The following BRWD3 variants were observed in gnomAD, a reference collection of about 807,000 sequenced individuals.
The protein encoded by BRWD3 is bromodomain and WD repeat-containing protein 3.
Under a neutral mutation model 149.7 loss-of-function variants are expected in BRWD3, and 10 were observed. That is an observed-to-expected ratio of 0.07 (90% confidence interval 0.04 to 0.11). The LOEUF (loss-of-function observed/expected upper bound fraction) is 0.11, where lower values mean the gene tolerates loss of function less well. BRWD3 is among the 10% of genes least tolerant of loss of function. The probability of loss-of-function intolerance (pLI) is 1.00; values close to 1 mark genes in which losing one functional copy is unlikely to be tolerated. For missense variants in BRWD3, 940 were observed against 1,373.2 expected (o/e 0.68, Z 4.99); for synonymous variants, 504 against 456.7 (o/e 1.10, Z -1.32).
At chrX:80,704,890 A>C (rs2072839780) in intron 22 of BRWD3, 44 bp from the exon 23 acceptor site, 1 of 1,109,828 alleles carries the variant, frequency 9.0e-7, no homozygotes. Flanking sequence ...ATAGAAAAGG[A>C]GTAGTTTTAC....
chrX:80,704,232 C>T (rs1051074016), intron 23 of BRWD3, among the ~76,000 whole-genome samples: 5 of 78,492 alleles, frequency 6.4e-5, no homozygotes, highest in Non-Finnish European at 1.4e-4. Context: ...CATAAGACCC[C>T]ATCTCTTTAA....
intron 6 of BRWD3, among the ~76,000 whole-genome samples, chrX:80,775,776 ATC>A (rs1226839998): frequency 2.7e-5 from 3 of 112,041 alleles, no homozygotes; most frequent in African/African-American, 6.5e-5. Flanking sequence ...TGAATTTTTA[ATC>A]TGAGTCACTA....
At chrX:80,720,563 AC>A (rs1412355260) in intron 17 of BRWD3, among the ~76,000 whole-genome samples, 8 of 108,541 alleles carry the variant, frequency 7.4e-5, no homozygotes, top group African/African-American at 2.3e-4. Context: ...AAACAAACAA[AC>A]AAACAAAAAA....
chrX:80,709,694 C>T, intron 20 of BRWD3, 117 bp from the exon 21 acceptor site: 1 of 606,980 alleles, frequency 1.6e-6, no homozygotes, highest in Non-Finnish European at 2.5e-6. Context: ...AGAATAAATT[C>T]CCCAAAATAA....
chrX:80,694,033 G>A (rs1044870781), intron 27 of BRWD3, among the ~76,000 whole-genome samples: 1 of 111,138 alleles, frequency 9.0e-6, no homozygotes, highest in Non-Finnish European at 1.9e-5. Context: ...ACAAGACCCA[G>A]GGCCTAGAAG....
chrX:80,779,137 A>T (rs1010956466), intron 6 of BRWD3, among the ~76,000 whole-genome samples: 1 of 110,953 alleles, frequency 9.0e-6, no homozygotes, highest in Non-Finnish European at 1.9e-5. Context: ...AACATGGTGA[A>T]ACCCCATCTC....
intron 30 of BRWD3, 123 bp from the exon 31 acceptor site, chrX:80,691,296 G>A (rs934954667): frequency 5.1e-5 from 37 of 723,687 alleles, no homozygotes; most frequent in Non-Finnish European, 7.5e-5. Context: ...AAACCATGAG[G>A]ATTCCATTAT....
At chrX:80,777,693 C>A (rs200199122) in intron 6 of BRWD3, among the ~76,000 whole-genome samples, 1 of 111,925 alleles carries the variant, frequency 8.9e-6, no homozygotes, top group Non-Finnish European at 1.9e-5. Context: ...CCACCATGGC[C>A]GGCCTCTGAT....
intron 14 of BRWD3, among the ~76,000 whole-genome samples, chrX:80,725,811 A>G (rs1184718715): frequency 1.1e-5 from 1 of 93,273 alleles, no homozygotes; most frequent in South Asian, 6.4e-4. Flanking sequence ...TACATGTGTT[A>G]CATGCCTATA....
intron 20 of BRWD3, among the ~76,000 whole-genome samples, chrX:80,714,304 T>C (rs2073044006): frequency 1.0e-5 from 1 of 100,332 alleles, no homozygotes; most frequent in African/African-American, 3.7e-5. Context: ...ATGGGCTCAC[T>C]GCAACCTTGG....
chrX:80,778,773 TG>T (rs2074025194), intron 6 of BRWD3, among the ~76,000 whole-genome samples: 1 of 112,208 alleles, frequency 8.9e-6, no homozygotes, highest in Non-Finnish European at 1.9e-5. Flanking sequence ...CCAAGGCAGG[TG>T]GATCACTTGA....
chrX:80,730,443 A>AAGAAAG (rs2073313590), intron 12 of BRWD3, among the ~76,000 whole-genome samples: 1 of 109,047 alleles, frequency 9.2e-6, no homozygotes, highest in Non-Finnish European at 1.9e-5. Context: ...GAAAGAAAGA[A>AAGAAAG]AGAAAGACAC....
chrX:80,736,179 C>CAA (rs2073401610), intron 8 of BRWD3, 91 bp from the exon 9 acceptor site: 1 of 581,631 alleles, frequency 1.7e-6, no homozygotes, highest in African/African-American at 2.3e-5. Flanking sequence ...AATCATTTAA[C>CAA]AAATATAATT....
chrX:80,727,952 C>T (rs2073273813), intron 14 of BRWD3, among the ~76,000 whole-genome samples: 1 of 111,839 alleles, frequency 8.9e-6, no homozygotes, highest in Non-Finnish European at 1.9e-5. Context: ...ATATCTAACA[C>T]CTAAGCCACT....
intron 4 of BRWD3, among the ~76,000 whole-genome samples, chrX:80,802,848 G>A (rs2074314416): frequency 9.0e-6 from 1 of 111,089 alleles, no homozygotes; most frequent in South Asian, 3.8e-4. Context: ...GCTCACGCCT[G>A]TAATCTCAGC....
At chrX:80,696,991 T>A (rs2072709206) in intron 25 of BRWD3, 128 bp from the exon 26 acceptor site, 1 of 668,744 alleles carries the variant, frequency 1.5e-6, no homozygotes, top group African/African-American at 2.2e-5. Flanking sequence ...ACACTAAGTG[T>A]TAAAGGTAAT....
chrX:80,762,974 C>G (rs1279018076), intron 6 of BRWD3, among the ~76,000 whole-genome samples: 1 of 110,271 alleles, frequency 9.1e-6, no homozygotes, highest in Non-Finnish European at 1.9e-5. Context: ...CCTGGCGACT[C>G]TAAGGAATAG....
intron 31 of BRWD3, among the ~76,000 whole-genome samples, chrX:80,690,708 A>G (rs2072599886): frequency 9.0e-6 from 1 of 111,372 alleles, no homozygotes; most frequent in African/African-American, 3.3e-5. Flanking sequence ...ATTAACTCTG[A>G]CCAAATTCTC....
chrX:80,712,440 T>C (rs1359024580), intron 20 of BRWD3, among the ~76,000 whole-genome samples: 1 of 110,906 alleles, frequency 9.0e-6, no homozygotes, highest in African/African-American at 3.3e-5. Context: ...CGGAGTCTCG[T>C]TCACTCAGTG....
Sources: gnomAD v4.1 joint callset for allele counts (sites outside exome capture counted in the v4.1 genomes callset) on GRCh38, gnomAD v4.1.1 for gene constraint, MANE v1.5 for transcripts, NCBI Gene and HGNC (gene_info 2026-07-23, HGNC 2026-07-21) for gene names.